OTOGL: variants seen among roughly 807,000 people sequenced by gnomAD.
OTOGL encodes otogelin like.
In OTOGL, 285 loss-of-function variants were observed where a neutral mutation model predicts 318.5. The observed-to-expected ratio is 0.89, with a 90% confidence interval of 0.81 to 0.99. The LOEUF (loss-of-function observed/expected upper bound fraction) is 0.99, where lower values mean the gene tolerates loss of function less well. Among genes scored for constraint, OTOGL ranks in the 50% least tolerant of loss-of-function variants. The pLI is 0.00. For synonymous variants in OTOGL, 987 were observed against 936.5 expected (o/e 1.05, Z -0.99); for missense variants, 2,899 against 2,845.6 (o/e 1.02, Z -0.43).
At chr12:80,214,593 GTC>G (rs1269077777) in intron 4 of OTOGL, among the ~76,000 whole-genome samples, 1 of 152,172 alleles carries the variant, frequency 6.6e-6, no homozygotes, top group Non-Finnish European at 1.5e-5. Context: ...CATCAACAAA[GTC>G]TGCTGCAGTC....
rs376088838 is a variant in OTOGL at position 80,144,528 on chromosome 12, G to A, written c.-20+44923G>A. Among the ~76,000 whole-genome samples the A allele has an allele frequency of 4.7e-5, 7 of 149,336 alleles. No individual in the cohort carries two copies. In the East Asian group the frequency reaches 1.4e-3, roughly 29 times the overall value. ...CCGCAATAAACATACGTGTGCATGT[G>A]TCTTTATAGCAGCATGACTTATAGT... On this transcript the variant is annotated intron_variant, in intron 1 of 58. Coordinates refer to ENST00000547103, the MANE Select transcript of OTOGL (RefSeq NM_001378609.3).
chr12:80,193,925 C>CA (rs1458950893), intron 1 of OTOGL, among the ~76,000 whole-genome samples: 2 of 152,132 alleles, frequency 1.3e-5, no homozygotes, highest in African/African-American at 4.8e-5. Flanking sequence ...AAGAAGATGC[C>CA]AAGACCCAGA....
chr12:80,228,484 A>G (rs370562342), intron 7 of OTOGL, among the ~76,000 whole-genome samples: 5 of 152,002 alleles, frequency 3.3e-5, no homozygotes, highest in East Asian at 3.9e-4. Flanking sequence ...AAAAACCCCA[A>G]AACAAAACCA....
At chr12:80,262,561 C>T (rs1882633168) in intron 19 of OTOGL, among the ~76,000 whole-genome samples, 2 of 152,014 alleles carry the variant, frequency 1.3e-5, no homozygotes, top group Admixed American at 1.3e-4. Flanking sequence ...GCCAGTGATC[C>T]AAAGAGGCTT....
chr12:80,288,667 T>C (rs984256409), intron 26 of OTOGL, among the ~76,000 whole-genome samples: 3 of 151,918 alleles, frequency 2.0e-5, no homozygotes, highest in Non-Finnish European at 4.4e-5. Context: ...TGATATCCTT[T>C]CTTCTGCTTG....
In OTOGL at chr12:80,358,554, T is replaced by A. The variant is rs1890048581; in HGVS notation, c.6122-117T>A. ...CATGGCAATCTGACGGTGGGAGAGG[T>A]AGCACTTGGGAAATATGAATCCATG... On this transcript the variant is annotated intron_variant, in intron 50 of 58. Coordinates refer to ENST00000547103, the MANE Select transcript of OTOGL (RefSeq NM_001378609.3). 1.8e-5 allele frequency: 16 copies of A among 903,410 alleles called. 1 individual carries two copies. The South Asian group carries it at 2.7e-4, about 15-fold the overall frequency. 56.0% of individuals were successfully genotyped at this position (903,410 alleles called of 1,614,324 possible). A position where few individuals can be genotyped will look rare whatever the true frequency, so the allele number is the denominator to read the frequency against.
At chr12:80,117,126 GA>G (rs1203406267) in intron 1 of OTOGL, among the ~76,000 whole-genome samples, 1 of 152,128 alleles carries the variant, frequency 6.6e-6, no homozygotes, top group Admixed American at 6.5e-5. Context: ...AATGGCTCAA[GA>G]GACAAATGGG....
At chr12:80,377,352 T>A (rs995997529) in intron 58 of OTOGL, 150 bp downstream of exon 58, 1 of 573,120 alleles carries the variant, frequency 1.7e-6, no homozygotes, top group Non-Finnish European at 3.0e-6. Flanking sequence ...TGCAATATTC[T>A]GTTTGTGAAG....
intron 42 of OTOGL, among the ~76,000 whole-genome samples, chr12:80,338,534 A>G (rs927731061): frequency 5.9e-5 from 9 of 152,056 alleles, no homozygotes; most frequent in African/African-American, 1.9e-4. Flanking sequence ...ATTACCAAAT[A>G]CCTGTATAGA....
At position 80,356,464 on chromosome 12, in the gene OTOGL, G is replaced by A; in HGVS notation, c.5855G>A (p.Ser1952Asn). 6.2e-7 allele frequency: 1 copy of A among 1,612,296 alleles called. No individual in the cohort carries two copies. The highest frequency in any genetic ancestry group is 8.5e-7 in the Non-Finnish European group (1 of 1,179,160). Residue 1952 changes from serine (S) to asparagine (N), a missense_variant, in exon 48 of 59, where the codon AGT becomes AAT. This residue lies in a region of OTOGL where 2,607 missense variants were observed against 2,524.9 expected (regional missense o/e 1.03). Transcript: ENST00000547103. ...ACTAGCATTCCAACATGTACAAATA[G>A]TCAAAAATTGATTGTTGGCCACAGT... ...CETSIPTCTN[S>N]QKLIVGHSPL...
intron 52 of OTOGL, among the ~76,000 whole-genome samples, chr12:80,362,031 T>C (rs1890266079): frequency 6.6e-6 from 1 of 152,176 alleles, no homozygotes; most frequent in African/African-American, 2.4e-5. Context: ...TACATTTGGG[T>C]TCACAGCCAA....
intron 1 of OTOGL, among the ~76,000 whole-genome samples, chr12:80,152,991 G>A (rs1872883957): frequency 6.6e-6 from 1 of 152,134 alleles, no homozygotes. Flanking sequence ...ACCGCACCCT[G>A]GCCGTGTCAT....
intron 34 of OTOGL, among the ~76,000 whole-genome samples, chr12:80,321,047 G>A (rs1231156804): frequency 1.3e-5 from 2 of 152,090 alleles, no homozygotes; most frequent in Non-Finnish European, 2.9e-5. Flanking sequence ...GTTGTCTAAT[G>A]TTTATATCTC....
chr12:80,169,798 C>T (rs1274590439), intron 1 of OTOGL, among the ~76,000 whole-genome samples: 1 of 152,164 alleles, frequency 6.6e-6, no homozygotes, highest in Admixed American at 6.5e-5. Flanking sequence ...GATCTAGATT[C>T]TATCACTTAG....
intron 26 of OTOGL, among the ~76,000 whole-genome samples, chr12:80,291,434 C>G (rs574274621): frequency 1.3e-5 from 2 of 152,242 alleles, no homozygotes; most frequent in Non-Finnish European, 2.9e-5. Context: ...TCAGATTAGA[C>G]CTTTTAAAAG....
chr12:80,176,326 C>T (rs1192415176), intron 1 of OTOGL, among the ~76,000 whole-genome samples: 3 of 152,174 alleles, frequency 2.0e-5, no homozygotes, highest in Admixed American at 6.6e-5. Flanking sequence ...TAAGCCATCA[C>T]CACAACAAAA....
intron 1 of OTOGL, among the ~76,000 whole-genome samples, chr12:80,157,503 G>A (rs1024828113): frequency 3.9e-5 from 6 of 152,112 alleles, no homozygotes; most frequent in African/African-American, 1.4e-4. Flanking sequence ...TTTTTGCCGA[G>A]ACCAAAGTCC....
intron 56 of OTOGL, among the ~76,000 whole-genome samples, chr12:80,371,003 C>A (rs558316418): frequency 6.6e-5 from 10 of 152,162 alleles, no homozygotes; most frequent in African/African-American, 2.4e-4. Context: ...GCTAAGGAAT[C>A]AGAGCTTGGC....
Position 80,380,542 on chromosome 12 carries a change from T to G in OTOGL, c.*2494T>G. On this transcript the variant is annotated 3_prime_UTR_variant, in exon 59 of 59. Coordinates refer to ENST00000547103, the MANE Select transcript of OTOGL (RefSeq NM_001378609.3). ...GATAACTGAGCACACTTCTAGCTAA[T>G]AAAAAATATTTCACATTCAATCTAC... 6.6e-6 allele frequency: 1 copy of G among 152,030 alleles called. No individual in the cohort carries two copies. The highest frequency in any genetic ancestry group is 1.9e-4 in the East Asian group (1 of 5,196). 9.4% of individuals were successfully genotyped at this position (152,030 alleles called of 1,614,324 possible). A position where few individuals can be genotyped will look rare whatever the true frequency, so the allele number is the denominator to read the frequency against.
Sources: gnomAD v4.1 joint callset for allele counts (sites outside exome capture counted in the v4.1 genomes callset) on GRCh38, gnomAD v4.1.1 for gene constraint, gnomAD v4.1.1 regional missense constraint, MANE v1.5 for transcripts, NCBI Gene and HGNC (gene_info 2026-07-23, HGNC 2026-07-21) for gene names.